GRIN2B: variants seen among roughly 807,000 people sequenced by gnomAD.
GRIN2B encodes glutamate receptor ionotropic, NMDA 2B.
GRIN2B carries 5 observed loss-of-function variants against 114.5 expected under a neutral mutation model. That is an observed-to-expected ratio of 0.04 (90% CI 0.02 to 0.09). GRIN2B has a LOEUF of 0.09. Ranked by LOEUF, GRIN2B falls within the 10% of genes least tolerant of loss-of-function variation. The pLI is 1.00. For synonymous variants in GRIN2B, 787 were observed against 745.1 expected, an observed-to-expected ratio of 1.06 and a Z score of -0.92; for missense variants, 1,108 against 1,943.5, an observed-to-expected ratio of 0.57 and a Z score of 8.08.
chr12:13,888,198 T>A (rs1388720504), intron 2 of GRIN2B, among the ~76,000 whole-genome samples: 1 of 152,128 alleles, frequency 6.6e-6, no homozygotes, highest in Non-Finnish European at 1.5e-5. Flanking sequence ...CTGAGAAATG[T>A]GTTGTTAAGC....
At chr12:13,893,947 G>A (rs1866310466) in intron 2 of GRIN2B, among the ~76,000 whole-genome samples, 1 of 151,922 alleles carries the variant, frequency 6.6e-6, no homozygotes, top group African/African-American at 2.4e-5. Context: ...TCACAAAAGA[G>A]AAACCACAAT....
intron 4 of GRIN2B, among the ~76,000 whole-genome samples, chr12:13,684,515 A>G (rs748631346): frequency 2.6e-5 from 4 of 152,210 alleles, no homozygotes; most frequent in Non-Finnish European, 5.9e-5. Context: ...CACCTCTACT[A>G]TAGGTGAGAC....
intron 2 of GRIN2B, among the ~76,000 whole-genome samples, chr12:13,949,039 G>A (rs990185137): frequency 6.6e-6 from 1 of 152,118 alleles, no homozygotes; most frequent in Non-Finnish European, 1.5e-5. Flanking sequence ...TCCTCAGCAG[G>A]GGCAGGCTAT....
intron 3 of GRIN2B, among the ~76,000 whole-genome samples, chr12:13,804,288 C>T (rs1333676361): frequency 6.6e-6 from 1 of 150,944 alleles, no homozygotes; most frequent in Non-Finnish European, 1.5e-5. Context: ...TTGATTTTCA[C>T]TCTCTGCTCT....
rs1200905643 is a variant in GRIN2B at position 13,564,106 on chromosome 12, G to C, written c.3132C>G (p.Phe1044Leu). 2 of 1,614,190 alleles carry C rather than the reference G, an allele frequency of 1.2e-6. No homozygotes were observed. Among genetic ancestry groups the C allele is most frequent in the East Asian group, 2.2e-5 (1 of 44,862 alleles). The change falls in exon 14 of 14, where the codon TTC becomes TTG. Residue 1044 changes from phenylalanine to leucine, a missense_variant. Phe to Leu is a conservative substitution (Grantham distance 22). Coordinates refer to ENST00000609686, the MANE Select transcript of GRIN2B (RefSeq NM_000834.5). The surrounding 1 kb of genome is among the most constrained non-coding windows in gnomAD (Gnocchi z 4.8). Reference protein sequence around the residue: ...QLSDLYGKFSFKSDRYSGHDD... With the variant: ...QLSDLYGKFSLKSDRYSGHDD... ...CGTGGCCACTGTAGCGGTCGCTCTTGAAGGAGAATTTGCCGTACAGGTCAC... is the reference window on the plus strand; with the variant it reads ...CGTGGCCACTGTAGCGGTCGCTCTTCAAGGAGAATTTGCCGTACAGGTCAC...
chr12:13,622,388 C>T (rs184584044), intron 5 of GRIN2B, among the ~76,000 whole-genome samples: 40 of 152,230 alleles, frequency 2.6e-4, no homozygotes, highest in African/African-American at 8.7e-4. Flanking sequence ...CCTGCAGCCC[C>T]GGGGCAGGCC....
rs1259128181 is a variant in GRIN2B at position 13,551,216 on chromosome 12, C to G, written c.*11567G>C. 4 of 152,060 alleles carry G rather than the reference C, an allele frequency of 2.6e-5. No homozygotes were observed. Among genetic ancestry groups the G allele is most frequent in the African/African-American group, 9.7e-5 (4 of 41,388 alleles). 9.4% of individuals were successfully genotyped at this position (152,060 alleles called of 1,614,324 possible). Reference sequence around the variant, plus strand: ...TAGGGATTCTCAAGGAATTCTCCTACCCTTATTCCTCCCATTGAGAACAGA... The same window carrying G: ...TAGGGATTCTCAAGGAATTCTCCTAGCCTTATTCCTCCCATTGAGAACAGA... On this transcript the variant is annotated 3_prime_UTR_variant, in exon 14 of 14. Coordinates refer to ENST00000609686, the MANE Select transcript of GRIN2B (RefSeq NM_000834.5).
At chr12:13,639,639 T>C (rs1177292468) in intron 5 of GRIN2B, among the ~76,000 whole-genome samples, 4 of 152,154 alleles carry the variant, frequency 2.6e-5, no homozygotes, top group African/African-American at 9.7e-5. Flanking sequence ...AAAAGCATAA[T>C]GTGCCCCAGA....
At chr12:13,594,107 A>T (rs529827799) in intron 10 of GRIN2B, among the ~76,000 whole-genome samples, 4 of 152,334 alleles carry the variant, frequency 2.6e-5, no homozygotes, top group South Asian at 2.1e-4. Context: ...ACTGTGGAAG[A>T]CAGTGTGGCA....
In GRIN2B at chr12:13,586,944, TAATTC is replaced by T. The variant is rs1344625237; in HGVS notation, c.2011-14985_2011-14981del. Among the ~76,000 whole-genome samples the T allele has an allele frequency of 2.0e-5, 3 of 152,346 alleles. No individual in the cohort carries two copies. The South Asian group carries it at 6.2e-4, about 32-fold the overall frequency. ...TTCATTCATTGACTAGTTGGTTAAT[TAATTC>T]ATCTATTAATATGTGAGCACCTATA... On this transcript the variant is annotated intron_variant, in intron 10 of 13. Transcript: ENST00000609686.
intron 2 of GRIN2B, among the ~76,000 whole-genome samples, chr12:13,944,466 C>G (rs1267819652): frequency 6.6e-6 from 1 of 152,222 alleles, no homozygotes; most frequent in African/African-American, 2.4e-5. Flanking sequence ...CTGCTGTCCA[C>G]CTCTTGCTCT....
At chr12:13,613,973 G>A (rs1949399261) in intron 8 of GRIN2B, among the ~76,000 whole-genome samples, 1 of 138,394 alleles carries the variant, frequency 7.2e-6, no homozygotes, top group Non-Finnish European at 1.5e-5. Context: ...ATTAGAATGT[G>A]GTTTTGTTTA....
intron 2 of GRIN2B, among the ~76,000 whole-genome samples, chr12:13,903,663 T>C (rs540623089): frequency 2.0e-4 from 31 of 152,210 alleles, no homozygotes; most frequent in African/African-American, 5.5e-4. Flanking sequence ...ATGTTCCATA[T>C]ATGTTTGAAA....
chr12:13,670,101 C>G (rs1950009638), intron 5 of GRIN2B, among the ~76,000 whole-genome samples: 1 of 152,082 alleles, frequency 6.6e-6, no homozygotes, highest in South Asian at 2.1e-4. Context: ...TCCATTAATT[C>G]CTGAGTACTA....
In GRIN2B at chr12:13,796,075, G is replaced by T. The variant is rs1396855173; in HGVS notation, c.412-42160C>A. 3.4e-4 allele frequency among the ~76,000 whole-genome samples: 27 copies of T among 78,414 alleles called. No homozygotes were observed. In the Admixed American group the frequency reaches 3.7e-3, roughly 11 times the overall value. The allele number at this position is 78,414 out of a possible 152,430, so 51.4% of individuals were successfully genotyped here. A position where few individuals can be genotyped will look rare whatever the true frequency, so the allele number is the denominator to read the frequency against. The stretch of plus-strand genomic sequence containing the variant: ...GTACACATGTACCCTAGAACTTAAA[G>T]TATAATTAAAAAAAAAAAAAAAGAA... On this transcript the variant is annotated intron_variant, in intron 3 of 13. Transcript: ENST00000609686.
chr12:13,554,673 A>C lies in GRIN2B; in HGVS notation c.*8110T>G, dbSNP rs1948457224. 6.6e-6 allele frequency: 1 copy of C among 152,188 alleles called. No individual in the cohort carries two copies. The allele number at this position is 152,188 out of a possible 1,614,324, so 9.4% of individuals were successfully genotyped here. On this transcript the variant is annotated 3_prime_UTR_variant, in exon 14 of 14. Coordinates refer to ENST00000609686, the MANE Select transcript of GRIN2B (RefSeq NM_000834.5). ...AGTGAGTACTGACAAGAGTAGATTCAAATATAAAATATTGGAACAATGCTA... is the reference window on the plus strand; with the variant it reads ...AGTGAGTACTGACAAGAGTAGATTCCAATATAAAATATTGGAACAATGCTA...
intron 3 of GRIN2B, among the ~76,000 whole-genome samples, chr12:13,804,381 C>G (rs183087907): frequency 2.9e-3 from 448 of 152,084 alleles, no homozygotes; most frequent in Non-Finnish European, 4.2e-3. Flanking sequence ...AGTCTTATGC[C>G]TTTTAGGTTC....
At chr12:13,817,087 A>ATT (rs1024037778) in intron 3 of GRIN2B, among the ~76,000 whole-genome samples, 8 of 148,150 alleles carry the variant, frequency 5.4e-5, no homozygotes, top group Non-Finnish European at 1.2e-4. Flanking sequence ...TTGGTGCAGG[A>ATT]TTTTTTTTTT....
At chr12:13,926,354 C>A (rs1019633733) in intron 2 of GRIN2B, among the ~76,000 whole-genome samples, 1 of 152,150 alleles carries the variant, frequency 6.6e-6, no homozygotes, top group Non-Finnish European at 1.5e-5. Flanking sequence ...GGCTATCGAC[C>A]CTTGCCTGGT....
Sources: allele counts gnomAD v4.1 joint callset (sites outside exome capture counted in the v4.1 genomes callset), GRCh38; gene constraint gnomAD v4.1.1; non-coding constraint Gnocchi (gnomAD v3.1); transcripts MANE v1.5; gene names NCBI Gene and HGNC (gene_info 2026-07-23, HGNC 2026-07-21).